SDK2: variants seen among roughly 807,000 people sequenced by gnomAD.
SDK2 encodes the protein protein sidekick-2.
A neutral mutation model predicts 253.9 loss-of-function variants in SDK2; 105 were observed. That is an observed-to-expected ratio of 0.41 (90% CI 0.35 to 0.49). SDK2 has a LOEUF of 0.49. Among genes scored for constraint, SDK2 ranks in the 20% least tolerant of loss-of-function variants. SDK2 has a pLI of 0.06. For synonymous variants in SDK2, 1,249 were observed against 1,234.9 expected, an observed-to-expected ratio of 1.01 and a Z score of -0.24; for missense variants, 2,608 against 3,003.0, an observed-to-expected ratio of 0.87 and a Z score of 3.07.
At chr17:73,456,597 C>T (rs984298127) in intron 3 of SDK2, among the ~76,000 whole-genome samples, 6 of 152,152 alleles carry the variant, frequency 3.9e-5, no homozygotes, top group Non-Finnish European at 5.9e-5. Context: ...TGGGTGCAGA[C>T]AGCGTTTCTC....
At chr17:73,564,071 GC>G (rs2145856030) in intron 1 of SDK2, among the ~76,000 whole-genome samples, 1 of 152,244 alleles carries the variant, frequency 6.6e-6, no homozygotes, top group East Asian at 1.9e-4. Flanking sequence ...GCTGTGCCCA[GC>G]CCCCAGTAAA....
intron 1 of SDK2, among the ~76,000 whole-genome samples, chr17:73,537,079 G>C (rs74658763): frequency 0.017 from 2,568 of 152,286 alleles, 87 homozygotes; most frequent in African/African-American, 0.059. Context: ...GCTGGTTGGA[G>C]GTGGCGGCTC....
intron 1 of SDK2, among the ~76,000 whole-genome samples, chr17:73,547,233 G>T (rs1437758163): frequency 2.6e-5 from 4 of 152,384 alleles, no homozygotes; most frequent in Non-Finnish European, 5.9e-5. Context: ...GGGCAGGCAG[G>T]TCTCTAGGGC....
At chr17:73,641,449 C>A (rs1390233351) in intron 1 of SDK2, among the ~76,000 whole-genome samples, 2 of 152,156 alleles carry the variant, frequency 1.3e-5, no homozygotes, top group East Asian at 3.9e-4. Context: ...CTGCCAAAGC[C>A]AATGCTCTTT....
At chr17:73,366,198 G>A (rs2062683882) in intron 37 of SDK2, among the ~76,000 whole-genome samples, 1 of 152,186 alleles carries the variant, frequency 6.6e-6, no homozygotes, top group African/African-American at 2.4e-5. Flanking sequence ...GAAGGAGGGA[G>A]GTGAGCTCAG....
Position 73,444,654 on chromosome 17 carries a change from C to T in SDK2, c.613+2961G>A, listed in dbSNP as rs146816795. ...CAATTTACAGATGGGGAAACTGAGG[C>T]TCAGAGACCATGTGACCCACCTGTG... On this transcript the variant is annotated intron_variant, in intron 5 of 44. Coordinates refer to ENST00000392650, the MANE Select transcript of SDK2 (RefSeq NM_001144952.2). Among the ~76,000 whole-genome samples the T allele has an allele frequency of 2.4e-3, 359 of 152,346 alleles. 5 individuals carry two copies. Among genetic ancestry groups the T allele is most frequent in the Non-Finnish European group, 4.6e-3 (313 of 68,030 alleles).
chr17:73,516,260 A>G (rs1021922163), intron 1 of SDK2, among the ~76,000 whole-genome samples: 2 of 152,224 alleles, frequency 1.3e-5, no homozygotes, highest in Non-Finnish European at 2.9e-5. Context: ...TTGGTCCCAC[A>G]ACATTGGTCA....
At position 73,362,644 on chromosome 17, in the gene SDK2, G is replaced by A. The variant is rs759699132; in HGVS notation, c.5306-799C>T. ...GGCCTCAAGTGATCCTCCCACCTTG[G>A]CCTCTCAAAGTGCTGGGATTATAGG... On this transcript the variant is annotated intron_variant, in intron 38 of 44. Coordinates refer to ENST00000392650, the MANE Select transcript of SDK2 (RefSeq NM_001144952.2). Among the ~76,000 whole-genome samples, 13 of 152,084 alleles carry A rather than the reference G, an allele frequency of 8.5e-5. No individual in the cohort carries two copies. In the Middle Eastern group the frequency reaches 0.014, roughly 160 times the overall value.
intron 28 of SDK2, among the ~76,000 whole-genome samples, chr17:73,391,022 G>A (rs2145497570): frequency 6.6e-6 from 1 of 152,344 alleles, no homozygotes; most frequent in Admixed American, 6.5e-5. Flanking sequence ...CCCTGGGTGT[G>A]TGTATTGGGG....
At position 73,423,652 on chromosome 17, in the gene SDK2, CG is replaced by C. The variant is rs1472462065; in HGVS notation, c.1761-131del. On this transcript the variant is annotated intron_variant, in intron 13 of 44. Coordinates refer to ENST00000392650, the MANE Select transcript of SDK2 (RefSeq NM_001144952.2). Reference sequence around the variant, plus strand: ...ATGCTTAGACGTAAAATGTGGCCTTCGGGCCATCTACCTGGAGATTTTTCTC... The same window carrying C: ...ATGCTTAGACGTAAAATGTGGCCTTCGGCCATCTACCTGGAGATTTTTCTC... 4 of 1,128,654 alleles carry C rather than the reference CG, an allele frequency of 3.5e-6. No homozygotes were observed. In the African/African-American group the frequency reaches 6.3e-5, roughly 18 times the overall value. 69.9% of individuals were successfully genotyped at this position (1,128,654 alleles called of 1,614,324 possible). A position where few individuals can be genotyped will look rare whatever the true frequency, so the allele number is the denominator to read the frequency against.
At chr17:73,601,454 C>T (rs1329502020) in intron 1 of SDK2, among the ~76,000 whole-genome samples, 1 of 152,160 alleles carries the variant, frequency 6.6e-6, no homozygotes, top group Non-Finnish European at 1.5e-5. Flanking sequence ...TGCATATGTT[C>T]TGAATTACGG....
At position 73,437,780 on chromosome 17, in the gene SDK2, G is replaced by A. The variant is rs186404411; in HGVS notation, c.959C>T (p.Ala320Val). The A allele has an allele frequency of 2.5e-5, 40 of 1,613,946 alleles. 1 individual carries two copies. In the Admixed American group the frequency reaches 3.3e-4, roughly 13 times the overall value. The part of the protein sequence containing the change: ...FVKEPERHIT[A>V]EMEKVVDIPC... ...GATGTCCACCACCTTCTCCATCTCC[G>A]CAGTGATGTGTCTTTCTGGCTCCTT... Residue 320 changes from alanine to valine, a missense_variant, in exon 8 of 45, where the codon GCG becomes GTG. Transcript: ENST00000392650.
rs1567799076 is a variant in SDK2, at chr17:73,483,635, A to ATGTGTG, written c.225-11418_225-11417insCACACA. 5.6e-4 allele frequency among the ~76,000 whole-genome samples: 29 copies of ATGTGTG among 51,646 alleles called. 2 individuals are homozygous for ATGTGTG. Among genetic ancestry groups the ATGTGTG allele is most frequent in the African/African-American group, 2.3e-3 (29 of 12,596 alleles). The allele number at this position is 51,646 out of a possible 152,430, so 33.9% of individuals were successfully genotyped here. On this transcript the variant is annotated intron_variant, in intron 2 of 44. Coordinates refer to ENST00000392650, the MANE Select transcript of SDK2 (RefSeq NM_001144952.2). ...TATATGTATATATATGTATATGTAT[A>ATGTGTG]TATATATGTGTGTGTGTGTGTGTGT...
At chr17:73,533,364 G>A (rs1423301355) in intron 1 of SDK2, among the ~76,000 whole-genome samples, 1 of 152,226 alleles carries the variant, frequency 6.6e-6, no homozygotes, top group African/African-American at 2.4e-5. Context: ...CTGGAGGAAT[G>A]ACATCCTCAG....
At chr17:73,543,696 C>T (rs1018788142) in intron 1 of SDK2, among the ~76,000 whole-genome samples, 5 of 152,236 alleles carry the variant, frequency 3.3e-5, no homozygotes, top group Admixed American at 6.5e-5. Context: ...GGGATAGGGG[C>T]AGGCCAGCCT....
intron 8 of SDK2, among the ~76,000 whole-genome samples, chr17:73,436,310 C>T (rs34037779): frequency 0.27 from 41,603 of 151,888 alleles, 6,193 homozygotes; most frequent in South Asian, 0.39. Context: ...GCCGTGGTGG[C>T]TCATGCCTGT....
At chr17:73,377,762 G>A (rs1199032177) in intron 36 of SDK2, among the ~76,000 whole-genome samples, 30 of 150,294 alleles carry the variant, frequency 2.0e-4, no homozygotes, top group African/African-American at 4.2e-4. Context: ...ACAGGCATGC[G>A]CCACCACACC....
chr17:73,480,974 G>A (rs1453851611), intron 2 of SDK2, among the ~76,000 whole-genome samples: 1 of 152,220 alleles, frequency 6.6e-6, no homozygotes, highest in Non-Finnish European at 1.5e-5. Context: ...GGTGAGAGTT[G>A]GTGACAGGCA....
At chr17:73,384,372 C>G in intron 32 of SDK2, among the ~76,000 whole-genome samples, 1 of 152,176 alleles carries the variant, frequency 6.6e-6, no homozygotes, top group East Asian at 1.9e-4. Context: ...TCTTCAAGAG[C>G]TGCCCTCACC....
Sources: allele counts gnomAD v4.1 joint callset (sites outside exome capture counted in the v4.1 genomes callset), GRCh38; gene constraint gnomAD v4.1.1; transcripts MANE v1.5; gene names NCBI Gene and HGNC (gene_info 2026-07-23, HGNC 2026-07-21).